The following ILRUN variants were observed in gnomAD, a reference collection of about 807,000 sequenced individuals.
ILRUN encodes the protein inflammation and lipid regulator with UBA-like and NBR1-like domains, also known as protein ILRUN.
A neutral mutation model predicts 33.8 loss-of-function variants in ILRUN; 3 were observed. That is an observed-to-expected ratio of 0.09 (90% CI 0.04 to 0.23). The LOEUF is 0.23. Among genes scored for constraint, ILRUN ranks in the 10% least tolerant of loss-of-function variants. The pLI, the probability that ILRUN is intolerant of heterozygous loss-of-function variation, is 1.00. For missense variants in ILRUN, 210 were observed against 375.1 expected (o/e 0.56, Z 3.64); for synonymous variants, 124 against 138.9 (o/e 0.89, Z 0.75).
intron 1 of ILRUN, among the ~76,000 whole-genome samples, chr6:34,681,845 A>ATTTTTTTTTTTTTTTTTTTTTTTTTTTTT (rs1168522578): frequency 1.2e-5 from 1 of 85,404 alleles, no homozygotes; most frequent in Non-Finnish European, 2.2e-5. Context: ...CCACCACTAC[A>ATTTTTTTTTTTTTTTTTTTTTTTTTTTTT]TTTTTTTTTT....
chr6:34,613,625 T>C (rs191297355), intron 3 of ILRUN, among the ~76,000 whole-genome samples: 50 of 152,280 alleles, frequency 3.3e-4, no homozygotes, highest in African/African-American at 9.1e-4. Flanking sequence ...TTTGAAGATA[T>C]TATAGATAAG....
intron 3 of ILRUN, among the ~76,000 whole-genome samples, chr6:34,638,231 A>G (rs1762405289): frequency 1.3e-5 from 2 of 152,188 alleles, no homozygotes; most frequent in South Asian, 4.1e-4. Flanking sequence ...GGAAATGACC[A>G]CCAAAACAAA....
intron 2 of ILRUN, among the ~76,000 whole-genome samples, chr6:34,647,785 G>A (rs375555744): frequency 1.2e-4 from 19 of 152,232 alleles, no homozygotes; most frequent in East Asian, 3.9e-4. Flanking sequence ...GGCTGGTCTC[G>A]AACTGCTGAC....
intron 3 of ILRUN, among the ~76,000 whole-genome samples, chr6:34,611,338 A>C (rs1042636311): frequency 6.6e-6 from 1 of 152,156 alleles, no homozygotes; most frequent in East Asian, 1.9e-4. Context: ...CTGTACATAG[A>C]TTCTACATAG....
intron 3 of ILRUN, among the ~76,000 whole-genome samples, chr6:34,640,741 A>G (rs755786666): frequency 1.1e-4 from 16 of 149,612 alleles, no homozygotes; most frequent in South Asian, 2.1e-4. Context: ...ATGAATGAAT[A>G]AATAAATTAA....
intron 3 of ILRUN, among the ~76,000 whole-genome samples, chr6:34,615,817 C>A (rs549250747): frequency 6.6e-6 from 1 of 152,130 alleles, no homozygotes; most frequent in Non-Finnish European, 1.5e-5. Context: ...GGGAAACGCT[C>A]CCTTTCCCAG....
chr6:34,630,054 T>C (rs1440772192), intron 3 of ILRUN, among the ~76,000 whole-genome samples: 1 of 152,148 alleles, frequency 6.6e-6, no homozygotes, highest in Non-Finnish European at 1.5e-5. Flanking sequence ...CTCTTGCATT[T>C]TGGGGCCATT....
intron 3 of ILRUN, among the ~76,000 whole-genome samples, chr6:34,638,923 G>C (rs931749800): frequency 3.3e-5 from 5 of 152,174 alleles, no homozygotes; most frequent in African/African-American, 4.8e-5. Flanking sequence ...ATGTCGGGCA[G>C]AATAGCATGT....
At chr6:34,670,844 CAA>C (rs201024054) in intron 1 of ILRUN, among the ~76,000 whole-genome samples, 25 of 58,530 alleles carry the variant, frequency 4.3e-4, no homozygotes, top group South Asian at 5.2e-4. Context: ...GACCCTGTCT[CAA>C]AAAAAAAAAA....
chr6:34,593,154 G>T (rs941948375), intron 4 of ILRUN, among the ~76,000 whole-genome samples: 3 of 152,164 alleles, frequency 2.0e-5, no homozygotes, highest in African/African-American at 7.2e-5. Flanking sequence ...ACTTCAGCCT[G>T]CGAGACAGAG....
chr6:34,645,169 C>A (rs1273099246), intron 3 of ILRUN, among the ~76,000 whole-genome samples: 1 of 152,152 alleles, frequency 6.6e-6, no homozygotes, highest in Non-Finnish European at 1.5e-5. Flanking sequence ...CCCACTGGCC[C>A]ACAGGCCATG....
intron 3 of ILRUN, among the ~76,000 whole-genome samples, chr6:34,625,464 T>C (rs1762103739): frequency 6.6e-6 from 1 of 152,198 alleles, no homozygotes. Context: ...CCACATCTGA[T>C]GTGCAGAGTA....
intron 4 of ILRUN, among the ~76,000 whole-genome samples, chr6:34,606,316 C>A (rs764719409): frequency 6.6e-6 from 1 of 152,096 alleles, no homozygotes; most frequent in Non-Finnish European, 1.5e-5. Context: ...CAAACCATAG[C>A]AGAGAGACAG....
At chr6:34,658,490 CTTTTTTT>C (rs71538252) in intron 1 of ILRUN, among the ~76,000 whole-genome samples, 2 of 130,888 alleles carry the variant, frequency 1.5e-5, no homozygotes, top group Non-Finnish European at 3.3e-5. Flanking sequence ...TTTTCTTTTT[CTTTTTTT>C]TTTTTTTTTT....
At chr6:34,626,882 G>A (rs1413604129) in intron 3 of ILRUN, among the ~76,000 whole-genome samples, 3 of 152,024 alleles carry the variant, frequency 2.0e-5, no homozygotes, top group African/African-American at 7.2e-5. Flanking sequence ...GTGCGCACTT[G>A]TAATCCCAGC....
At chr6:34,657,198 A>G (rs900769531) in intron 1 of ILRUN, among the ~76,000 whole-genome samples, 2 of 152,158 alleles carry the variant, frequency 1.3e-5, no homozygotes, top group Non-Finnish European at 1.5e-5. Flanking sequence ...ATTTTTTTGC[A>G]GCAGGTCTTC....
chr6:34,669,942 G>C (rs996606204), intron 1 of ILRUN, among the ~76,000 whole-genome samples: 1 of 150,220 alleles, frequency 6.7e-6, no homozygotes, highest in Non-Finnish European at 1.5e-5. Context: ...ACAGAGTTTC[G>C]CTCTTGTTGC....
chr6:34,654,726 C>A lies in ILRUN; in HGVS notation c.212G>T (p.Ser71Ile). The A allele has an allele frequency of 6.2e-7, 1 of 1,614,076 alleles. No individual in the cohort carries two copies. Residue 71 changes from serine (S) to isoleucine (I), a missense_variant, in exon 2 of 5, where the codon AGT (serine) becomes ATT (isoleucine). Coordinates refer to ENST00000374023, the MANE Select transcript of ILRUN (RefSeq NM_024294.4). ...AYYDFESPNISVPSMSFVEDV... is the reference protein window; with the variant it reads ...AYYDFESPNIIVPSMSFVEDV... ...TTCAACAAAGGACATAGAGGGCACACTGATGTTTGGGCTCTCAAAGTCATA... is the reference window on the plus strand; with the variant it reads ...TTCAACAAAGGACATAGAGGGCACAATGATGTTTGGGCTCTCAAAGTCATA...
chr6:34,627,543 T>C (rs1374770630), intron 3 of ILRUN, among the ~76,000 whole-genome samples: 1 of 152,214 alleles, frequency 6.6e-6, no homozygotes. Context: ...TGTTGGCGTT[T>C]GGGATTATGG....
Sources: allele counts gnomAD v4.1 joint callset (sites outside exome capture counted in the v4.1 genomes callset), GRCh38; gene constraint gnomAD v4.1.1; transcripts MANE v1.5; gene names NCBI Gene and HGNC (gene_info 2026-07-23, HGNC 2026-07-21).